CTXND1: variants seen among roughly 807,000 people sequenced by gnomAD.
The protein encoded by CTXND1 is cortexin domain-containing 1 protein.
In CTXND1 at chr15:80,199,617, A is replaced by G. The variant is rs557733124; in HGVS notation, c.*2153T>C. The G allele has an allele frequency of 1.3e-5, 2 of 152,476 alleles. No individual in the cohort carries two copies. Among genetic ancestry groups the G allele is most frequent in the East Asian group, 3.9e-4 (2 of 5,188 alleles). 9.4% of individuals were successfully genotyped at this position (152,476 alleles called of 1,614,324 possible). On this transcript the variant is annotated 3_prime_UTR_variant, in exon 3 of 3. Coordinates refer to ENST00000560778, the MANE Select transcript of CTXND1 (RefSeq NM_001352888.2). Reference sequence around the variant, plus strand: ...TTGCTTTAGATCCTCCCCATCATACAGGGCCTTCCCTGCATCTTGGTTCAC... The same window carrying G: ...TTGCTTTAGATCCTCCCCATCATACGGGGCCTTCCCTGCATCTTGGTTCAC...
chr15:80,228,534 G>A (rs1197539687), intron 1 of CTXND1, among the ~76,000 whole-genome samples: 1 of 152,174 alleles, frequency 6.6e-6, no homozygotes, highest in Non-Finnish European at 1.5e-5. Flanking sequence ...GCCAGAAAGG[G>A]AGCTACTGGC....
In CTXND1 at chr15:80,196,279, AG is replaced by A. The variant is rs140076146; in HGVS notation, c.*5490del. 6,869 of 152,266 alleles carry A rather than the reference AG, an allele frequency of 0.045. 238 individuals carry two copies. Among genetic ancestry groups the A allele is most frequent in the East Asian group, 0.086 (447 of 5,182 alleles). 9.4% of individuals were successfully genotyped at this position (152,266 alleles called of 1,614,324 possible). A position where few individuals can be genotyped will look rare whatever the true frequency, so the allele number is the denominator to read the frequency against. ...ACAGAGCTTCCAGGTGAGATCTTCAAGGCCTCTTCATGTTCTTTAGGAATCT... is the reference window on the plus strand; with the variant it reads ...ACAGAGCTTCCAGGTGAGATCTTCAAGCCTCTTCATGTTCTTTAGGAATCT... On this transcript the variant is annotated 3_prime_UTR_variant, in exon 3 of 3. Transcript: ENST00000560778.
At chr15:80,230,185 G>A (rs188542782) in intron 1 of CTXND1, among the ~76,000 whole-genome samples, 1 of 152,202 alleles carries the variant, frequency 6.6e-6, no homozygotes, top group South Asian at 2.1e-4. Context: ...AATCAATTCT[G>A]TTTCCAGATC....
intron 1 of CTXND1, among the ~76,000 whole-genome samples, chr15:80,241,690 C>T (rs999711897): frequency 3.9e-5 from 6 of 152,194 alleles, no homozygotes; most frequent in South Asian, 4.1e-4. Flanking sequence ...GATGATGGAA[C>T]GGGGCCTCAT....
intron 1 of CTXND1, among the ~76,000 whole-genome samples, chr15:80,209,203 C>G (rs956122086): frequency 6.6e-6 from 1 of 152,208 alleles, no homozygotes; most frequent in Non-Finnish European, 1.5e-5. Context: ...AGAATGTGGA[C>G]TCAAAAACCA....
chr15:80,234,620 G>A (rs1023231334), intron 1 of CTXND1, among the ~76,000 whole-genome samples: 23 of 152,034 alleles, frequency 1.5e-4, no homozygotes, highest in African/African-American at 3.1e-4. Flanking sequence ...TGGGAATACC[G>A]GTGCATGCCA....
In CTXND1 at chr15:80,199,665, G is replaced by T. The variant is rs945683133; in HGVS notation, c.*2105C>A. 2 of 152,380 alleles carry T rather than the reference G, an allele frequency of 1.3e-5. No individual in the cohort carries two copies. Among genetic ancestry groups the T allele is most frequent in the Non-Finnish European group, 2.9e-5 (2 of 68,200 alleles). 9.4% of individuals were successfully genotyped at this position (152,380 alleles called of 1,614,324 possible). A position where few individuals can be genotyped will look rare whatever the true frequency, so the allele number is the denominator to read the frequency against. ...CACTGCCTTTGCCAGCTGTCCCTTC[G>T]TGCATTCCACAATAGTGGGGATAGG... is the stretch of plus-strand genomic sequence containing the variant. On this transcript the variant is annotated 3_prime_UTR_variant, in exon 3 of 3. Coordinates refer to ENST00000560778, the MANE Select transcript of CTXND1 (RefSeq NM_001352888.2).
rs189040495 is a variant in CTXND1 at position 80,245,907 on chromosome 15, G to C, written c.-218+6100C>G. 1.8e-4 allele frequency among the ~76,000 whole-genome samples: 28 copies of C among 152,132 alleles called. No individual in the cohort carries two copies. In the East Asian group the frequency reaches 5.0e-3, roughly 27 times the overall value. ...CAAGCCTCATGAACACAATTTATTA[G>C]GTGTCATTCTCACAGATTCCACTTT... is the stretch of plus-strand genomic sequence containing the variant. On this transcript the variant is annotated intron_variant, in intron 1 of 2. Transcript: ENST00000560778.
intron 1 of CTXND1, among the ~76,000 whole-genome samples, chr15:80,242,556 C>A (rs547853112): frequency 6.6e-6 from 1 of 152,326 alleles, no homozygotes; most frequent in African/African-American, 2.4e-5. Flanking sequence ...CTAGTCAATG[C>A]CGAGGGAGGA....
chr15:80,234,411 A>T (rs940525805), intron 1 of CTXND1, among the ~76,000 whole-genome samples: 4 of 151,870 alleles, frequency 2.6e-5, no homozygotes, highest in African/African-American at 9.7e-5. Context: ...ATAGGGTGAG[A>T]CAGGGCTGTG....
chr15:80,217,495 A>G (rs1336683998), intron 1 of CTXND1, among the ~76,000 whole-genome samples: 2 of 151,824 alleles, frequency 1.3e-5, no homozygotes, highest in Non-Finnish European at 2.9e-5. Context: ...AGATTTATAT[A>G]TGTGTCTGTG....
chr15:80,214,867 A>G (rs1893235649), intron 1 of CTXND1, among the ~76,000 whole-genome samples: 1 of 152,214 alleles, frequency 6.6e-6, no homozygotes, highest in African/African-American at 2.4e-5. Flanking sequence ...ACCTGGGCAA[A>G]CTTCTGGCAA....
At chr15:80,219,541 T>A (rs1893290518) in intron 1 of CTXND1, among the ~76,000 whole-genome samples, 1 of 152,226 alleles carries the variant, frequency 6.6e-6, no homozygotes, top group African/African-American at 2.4e-5. Context: ...CTAGGCTATG[T>A]TAATTGGTAT....
At chr15:80,222,048 T>C (rs1893324832) in intron 1 of CTXND1, among the ~76,000 whole-genome samples, 1 of 152,202 alleles carries the variant, frequency 6.6e-6, no homozygotes, top group African/African-American at 2.4e-5. Flanking sequence ...TGGACATTTA[T>C]AAAAACGTAA....
chr15:80,211,642 C>T (rs893031372), intron 1 of CTXND1, among the ~76,000 whole-genome samples: 14 of 152,122 alleles, frequency 9.2e-5, no homozygotes, highest in African/African-American at 3.4e-4. Flanking sequence ...GTGTTTAAGA[C>T]TTGTTATCTT....
At chr15:80,217,997 C>A (rs548444248) in intron 1 of CTXND1, among the ~76,000 whole-genome samples, 88 of 152,262 alleles carry the variant, frequency 5.8e-4, no homozygotes, top group African/African-American at 2.0e-3. Flanking sequence ...AGATTTTCTA[C>A]CTTTTCTTAT....
chr15:80,237,457 A>G (rs534729202), intron 1 of CTXND1, among the ~76,000 whole-genome samples: 1 of 152,236 alleles, frequency 6.6e-6, no homozygotes, highest in Admixed American at 6.5e-5. Flanking sequence ...TGGCAGCTCC[A>G]TGTGTGTTAC....
chr15:80,244,803 C>T (rs918624470), intron 1 of CTXND1, among the ~76,000 whole-genome samples: 6 of 152,132 alleles, frequency 3.9e-5, no homozygotes, highest in Admixed American at 1.3e-4. Context: ...AAGTTCAGCC[C>T]CCTAACACCG....
chr15:80,224,454 T>C (rs1161614001), intron 1 of CTXND1, among the ~76,000 whole-genome samples: 15 of 152,262 alleles, frequency 9.9e-5, no homozygotes, highest in Non-Finnish European at 1.5e-5. Flanking sequence ...CACCACACTT[T>C]CTTAATGATT....
Sources: allele counts gnomAD v4.1 joint callset (sites outside exome capture counted in the v4.1 genomes callset), GRCh38; gene constraint gnomAD v4.1.1; transcripts MANE v1.5; gene names NCBI Gene and HGNC (gene_info 2026-07-23, HGNC 2026-07-21).